Variants in PLEKHG2 observed in about 807,000 individuals in gnomAD.
PLEKHG2 encodes pleckstrin homology domain-containing family G member 2.
PLEKHG2 carries 71 observed loss-of-function variants against 104.4 expected under a neutral mutation model. The ratio of observed to expected loss-of-function variants is 0.68; its 90% CI spans 0.56 to 0.83. The LOEUF (loss-of-function observed/expected upper bound fraction) is 0.83, where lower values mean the gene tolerates loss of function less well. Ranked by LOEUF, PLEKHG2 falls within the 40% of genes least tolerant of loss-of-function variation. The pLI is 0.00. For missense variants in PLEKHG2, 1,730 were observed against 1,809.4 expected (o/e 0.96, Z 0.80); for synonymous variants, 728 against 737.0 (o/e 0.99, Z 0.20).
At chr19:39,417,862 T>C (rs750808586) in intron 8 of PLEKHG2, 43 bp from the exon 9 acceptor site, 40 of 1,515,754 alleles carry the variant, frequency 2.6e-5, no homozygotes, top group Non-Finnish European at 3.4e-5. Flanking sequence ...CACCTACCCA[T>C]GCTTGTCTCT....
At position 39,422,783 on chromosome 19, in the gene PLEKHG2, G is replaced by A. The variant is rs572311103; in HGVS notation, c.1729G>A (p.Asp577Asn). The part of the protein sequence containing the change: ...KFPGDSQVPG[D>N]SETLTFQALP... ...CCCCGGAGACTCCCAGGTGCCTGGC[G>A]ACAGCGAAACCCTCACATTCCAAGC... The change falls in exon 18 of 19, where the codon GAC (aspartate) becomes AAC (asparagine). Residue 577 changes from aspartate (D) to asparagine (N), a missense_variant. Coordinates refer to ENST00000425673, the MANE Select transcript of PLEKHG2 (RefSeq NM_022835.3). 8 of 1,525,836 alleles carry A rather than the reference G, an allele frequency of 5.2e-6. No individual in the cohort carries two copies. Among genetic ancestry groups the A allele is most frequent in the African/African-American group, 1.4e-5 (1 of 71,904 alleles). The allele number at this position is 1,525,836 out of a possible 1,614,324, so 94.5% of individuals were successfully genotyped here.
Position 39,424,614 on chromosome 19 carries a change from C to G in PLEKHG2, c.3481C>G (p.Pro1161Ala). 1 of 1,614,138 alleles carries G rather than the reference C, an allele frequency of 6.2e-7. No individual in the cohort carries two copies. Among genetic ancestry groups the G allele is most frequent in the Non-Finnish European group, 8.5e-7 (1 of 1,180,018 alleles). Reference protein sequence around the residue: ...VLTDIWVQALPTSPKQGSLPD... With the variant: ...VLTDIWVQALATSPKQGSLPD... ...CACAGACATCTGGGTCCAAGCCCTC[C>G]CAACTTCACCCAAGCAGGGAAGCCT... is the stretch of plus-strand genomic sequence containing the variant. Residue 1161 changes from proline to alanine, a missense_variant, in exon 19 of 19, where the codon CCA becomes GCA. By Grantham distance (27) the Pro-to-Ala change is conservative. Coordinates refer to ENST00000425673, the MANE Select transcript of PLEKHG2 (RefSeq NM_022835.3).
Position 39,420,909 on chromosome 19 carries a change from G to C in PLEKHG2, c.1400-40G>C, listed in dbSNP as rs759747919. Reference sequence around the variant, plus strand: ...TCAGCCCCACTTCCCTAGGACCCGGGAGCTGGGCTCACACAGGGCTCTGGC... The same window carrying C: ...TCAGCCCCACTTCCCTAGGACCCGGCAGCTGGGCTCACACAGGGCTCTGGC... On this transcript the variant is annotated intron_variant, in intron 13 of 18. Transcript: ENST00000425673. The C allele has an allele frequency of 6.8e-6, 11 of 1,613,898 alleles. No individual in the cohort carries two copies. The Admixed American group carries it at 8.3e-5, about 12-fold the overall frequency.
rs1404035914 is a variant in PLEKHG2, at chr19:39,416,895, C to G, written c.639C>G (p.Ala213=). 2 of 1,612,692 alleles carry G rather than the reference C, an allele frequency of 1.2e-6. No homozygotes were observed. The highest frequency in any genetic ancestry group is 1.7e-6 in the Non-Finnish European group (2 of 1,179,792). The stretch of plus-strand genomic sequence containing the variant: ...AGCTGTCGTTGTCTCCGCCAGCAGC[C>G]CTGTGGCTGCAGGAGCGCCAGGCCC... ...LRELSLSPPA[A]LWLQERQAQL... The change falls in exon 7 of 19, where the codon GCC becomes GCG. Residue 213 remains alanine, a synonymous_variant. Coordinates refer to ENST00000425673, the MANE Select transcript of PLEKHG2 (RefSeq NM_022835.3). The surrounding 1 kb of genome is among the most constrained non-coding windows in gnomAD (Gnocchi z 4.5).
chr19:39,417,136 A>T (rs1600649916), intron 7 of PLEKHG2, 136 bp downstream of exon 7: 1 of 1,028,082 alleles, frequency 9.7e-7, no homozygotes, highest in Non-Finnish European at 1.4e-6. Context: ...GGCGTGAGCC[A>T]CCGCGCACAG....
In PLEKHG2 at chr19:39,424,660, C is replaced by T. The variant is rs747488339; in HGVS notation, c.3527C>T (p.Ala1176Val). Residue 1176 changes from alanine to valine, a missense_variant, in exon 19 of 19, where the codon GCG (alanine) becomes GTG (valine). Coordinates refer to ENST00000425673, the MANE Select transcript of PLEKHG2 (RefSeq NM_022835.3). ...AGCCTCCCAGACATCCAGGGTCCAG[C>T]GGCTGCACCTCCACTTCCGGAGCCA... ...QGSLPDIQGP[A>V]AAPPLPEPSL... 9.9e-6 allele frequency: 16 copies of T among 1,614,044 alleles called. No homozygotes were observed. Among genetic ancestry groups the T allele is most frequent in the African/African-American group, 4.0e-5 (3 of 74,898 alleles).
In PLEKHG2 at chr19:39,419,132, C is replaced by T. The variant is rs79869093; in HGVS notation, c.1263+129C>T. On this transcript the variant is annotated intron_variant, in intron 11 of 18. Transcript: ENST00000425673. ...TGTGATTGCTAAAAGTGCAGAATTC[C>T]GCTACTTGGGTTTGAATCTTAGCTC... 1.1e-3 allele frequency: 888 copies of T among 837,528 alleles called. 4 individuals are homozygous for T. In the African/African-American group the frequency reaches 0.014, roughly 13 times the overall value. 51.9% of individuals were successfully genotyped at this position (837,528 alleles called of 1,614,324 possible). A position where few individuals can be genotyped will look rare whatever the true frequency, so the allele number is the denominator to read the frequency against.
chr19:39,417,089 C>A (rs1186311587), intron 7 of PLEKHG2, 89 bp downstream of exon 7: 2 of 1,432,730 alleles, frequency 1.4e-6, no homozygotes, highest in Non-Finnish European at 1.9e-6. Context: ...GGACCCCCCA[C>A]GAGTTGGGCA....
chr19:39,421,262 C>T, intron 15 of PLEKHG2, 21 bp from the exon 16 acceptor site: 1 of 1,613,830 alleles, frequency 6.2e-7, no homozygotes, highest in Non-Finnish European at 8.5e-7. Flanking sequence ...GCTTCTCTCT[C>T]TCTCATCTCT....
intron 11 of PLEKHG2, among the ~76,000 whole-genome samples, 172 bp downstream of exon 11, chr19:39,419,175 G>A (rs1194589116): frequency 6.6e-6 from 1 of 152,170 alleles, no homozygotes; most frequent in Non-Finnish European, 1.5e-5. Context: ...TCCCTGCTTT[G>A]TGACCTTGGG....
In PLEKHG2 at chr19:39,415,440, G is replaced by T. The variant is rs1275536671; in HGVS notation, c.479+1G>T. 4 of 1,613,866 alleles carry T rather than the reference G, an allele frequency of 2.5e-6. No homozygotes were observed. The highest frequency in any genetic ancestry group is 1.3e-5 in the African/African-American group (1 of 74,922). The stretch of plus-strand genomic sequence containing the variant: ...TTGAGGACATCTACGAGTTCAGCAG[G>T]TCAGGGGCAGGGGGGACAGGCAGGG... On this transcript the variant is annotated splice_donor_variant, in intron 4 of 18. Coordinates refer to ENST00000425673, the MANE Select transcript of PLEKHG2 (RefSeq NM_022835.3). LOFTEE classifies it high-confidence loss of function. The surrounding 1 kb of genome is among the most constrained non-coding windows in gnomAD (Gnocchi z 4.6).
In PLEKHG2 at chr19:39,417,046, T is replaced by A. The variant is rs750027640; in HGVS notation, c.744+46T>A. On this transcript the variant is annotated intron_variant, in intron 7 of 18. Transcript: ENST00000425673. ...CCAGGCTGGGGAGGGGGAGGTCCTG[T>A]CCCTTGACCACCTGTTGGTTCATCT... 5.8e-6 allele frequency: 9 copies of A among 1,541,200 alleles called. No individual in the cohort carries two copies. The South Asian group carries it at 7.3e-5, about 13-fold the overall frequency.
chr19:39,425,019 C>T lies in PLEKHG2; in HGVS notation c.3886C>T (p.Pro1296Ser), dbSNP rs778122874. 6.9e-6 allele frequency: 11 copies of T among 1,605,064 alleles called. No individual in the cohort carries two copies. In the East Asian group the frequency reaches 2.2e-4, roughly 33 times the overall value. Residue 1296 changes from proline to serine, a missense_variant, in exon 19 of 19, where the codon CCT becomes TCT. Physicochemically the swap from Pro to Ser is moderately conservative, Grantham distance 74 (BLOSUM62 -1). Coordinates refer to ENST00000425673, the MANE Select transcript of PLEKHG2 (RefSeq NM_022835.3). ...CCAGAGCCTGGCTCGGCGGCAGGGG[C>T]CTGGGGGAGGGGCCCCCGCAGCCTC... is the stretch of plus-strand genomic sequence containing the variant. ...ISQSLARRQG[P>S]GGGAPAASRG...
intron 7 of PLEKHG2, 22 bp from the exon 8 acceptor site, chr19:39,417,533 G>A (rs866389625): frequency 4.3e-6 from 7 of 1,612,242 alleles, no homozygotes; most frequent in South Asian, 3.3e-5. Context: ...CCATCCCTGC[G>A]TGCCTGGTGG....
Position 39,415,397 on chromosome 19 carries a change from G to A in PLEKHG2, c.437G>A (p.Gly146Asp). Residue 146 changes from glycine (G) to aspartate (D), a missense_variant, in exon 4 of 19, where the codon GGC becomes GAC. Physicochemically the swap from Gly to Asp is moderately conservative, Grantham distance 94. Coordinates refer to ENST00000425673, the MANE Select transcript of PLEKHG2 (RefSeq NM_022835.3). This position sits in a 1 kb window ranked among gnomAD's most constrained non-coding sequence, Gnocchi z 4.6. ...GVLGLSVEQV[G>D]TLFANIEDIY... ...CTGGGGCTGAGCGTGGAGCAGGTGG[G>A]CACGCTGTTTGCCAACATTGAGGAC... 1 of 1,614,144 alleles carries A rather than the reference G, an allele frequency of 6.2e-7. No homozygotes were observed. Among genetic ancestry groups the A allele is most frequent in the South Asian group, 1.1e-5 (1 of 91,080 alleles).
intron 17 of PLEKHG2, 85 bp downstream of exon 17, chr19:39,422,373 A>G: frequency 1.4e-6 from 2 of 1,385,104 alleles, no homozygotes; most frequent in Non-Finnish European, 1.9e-6. Context: ...GCCCATGCTG[A>G]TACCTTTATT....
At position 39,418,808 on chromosome 19, in the gene PLEKHG2, G is replaced by A. The variant is rs1262822828; in HGVS notation, c.1158G>A (p.Lys386=). ...AGGTGTCTGATCTGACCATTCCCAA[G>A]CACAGACACCTGCTCCAGGTGAGCA... The part of the protein sequence containing the change: ...GFKVSDLTIP[K]HRHLLQAKNQ... Residue 386 remains lysine (K), a synonymous_variant, in exon 10 of 19, where the codon AAG becomes AAA. Coordinates refer to ENST00000425673, the MANE Select transcript of PLEKHG2 (RefSeq NM_022835.3). 6.2e-7 allele frequency: 1 copy of A among 1,610,406 alleles called. No homozygotes were observed. The highest frequency in any genetic ancestry group is 8.5e-7 in the Non-Finnish European group (1 of 1,177,114).
In PLEKHG2 at chr19:39,428,097, T is replaced by C. The variant is rs2078802893; in HGVS notation, c.*2803T>C. 6.6e-6 allele frequency: 1 copy of C among 152,114 alleles called. No homozygotes were observed. The highest frequency in any genetic ancestry group is 1.9e-4 in the East Asian group (1 of 5,194). 9.4% of individuals were successfully genotyped at this position (152,114 alleles called of 1,614,324 possible). On this transcript the variant is annotated 3_prime_UTR_variant, in exon 19 of 19. Transcript: ENST00000425673. ...GGTGGTGGGTGCCGGTAATCCTAGC[T>C]ACTCAGGAGGCTGAGGCAGGAGAAT...
chr19:39,421,404 G>A (rs1274092091), intron 16 of PLEKHG2, 105 bp downstream of exon 16: 4 of 1,265,300 alleles, frequency 3.2e-6, no homozygotes, highest in East Asian at 2.5e-5. Flanking sequence ...AGGGGATTGG[G>A]GCCAGACAGA....
Sources: gnomAD v4.1 joint callset for allele counts (sites outside exome capture counted in the v4.1 genomes callset) on GRCh38, gnomAD v4.1.1 for gene constraint, Gnocchi (gnomAD v3.1) non-coding constraint, MANE v1.5 for transcripts, NCBI Gene and HGNC (gene_info 2026-07-23, HGNC 2026-07-21) for gene names.